Variants in TNC observed in about 807,000 individuals in gnomAD.
TNC encodes tenascin.
A neutral mutation model predicts 202.4 loss-of-function variants in TNC; 109 were observed. The ratio of observed to expected loss-of-function variants is 0.54; its 90% CI spans 0.46 to 0.63. The LOEUF is 0.63. Ranked by LOEUF, TNC falls within the 30% of genes least tolerant of loss-of-function variation. The pLI, the probability that TNC is intolerant of heterozygous loss-of-function variation, is 0.00. For missense variants in TNC, 2,756 were observed against 2,833.3 expected (o/e 0.97, Z 0.62); for synonymous variants, 1,007 against 1,089.7 (o/e 0.92, Z 1.50).
At chr9:115,092,362 A>G (rs1170202332) in intron 1 of TNC, among the ~76,000 whole-genome samples, 1 of 152,188 alleles carries the variant, frequency 6.6e-6, no homozygotes, top group Non-Finnish European at 1.5e-5. Flanking sequence ...ATTCACCTGT[A>G]TGAGCAATCA....
At chr9:115,039,931 G>A (rs1324512609) in intron 19 of TNC, among the ~76,000 whole-genome samples, 1 of 152,234 alleles carries the variant, frequency 6.6e-6, no homozygotes, top group Non-Finnish European at 1.5e-5. Context: ...TATTTTAATT[G>A]TGTGTTGTCA....
At position 115,030,304 on chromosome 9, in the gene TNC, C is replaced by G. The variant is rs13321; in HGVS notation, c.6022G>C (p.Glu2008Gln). The change falls in exon 24 of 28, where the codon GAG (glutamate) becomes CAG (glutamine). Residue 2008 changes from glutamate to glutamine, a missense_variant. Physicochemically the swap from Glu to Gln is conservative, Grantham distance 29. Transcript: ENST00000350763. The part of the protein sequence containing the change: ...YTIYLNGDKA[E>Q]ALEVFCDMTS... ...ATGTCACAGAAGACTTCCAGCGCCT[C>G]AGCCTTATCACCATTCAGATAAATG... 0.71 allele frequency: 1,140,097 copies of G among 1,613,310 alleles called. 404,310 individuals are homozygous for G. Among genetic ancestry groups the G allele is most frequent in the African/African-American group, 0.74 (55,238 of 74,970 alleles).
chr9:115,023,784 G>A (rs1344427216), intron 27 of TNC, among the ~76,000 whole-genome samples, 189 bp downstream of exon 27: 1 of 152,220 alleles, frequency 6.6e-6, no homozygotes, highest in Admixed American at 6.5e-5. Flanking sequence ...GGGTTAACCT[G>A]TGCTGTTTCT....
chr9:115,114,162 C>T (rs1837284228), intron 1 of TNC, among the ~76,000 whole-genome samples: 1 of 152,198 alleles, frequency 6.6e-6, no homozygotes, highest in Non-Finnish European at 1.5e-5. Context: ...GGAAGGGAGC[C>T]TTCATCTAAT....
chr9:115,093,311 A>AAACAAAAACAACAACAAC (rs1835370623), intron 1 of TNC, among the ~76,000 whole-genome samples: 1 of 152,212 alleles, frequency 6.6e-6, no homozygotes, highest in Non-Finnish European at 1.5e-5. Flanking sequence ...AAACAAAACA[A>AAACAAAAACAACAACAAC]AACAAAAACA....
At chr9:115,052,900 G>A (rs537085397) in intron 15 of TNC, 53 of 702,568 alleles carry the variant, frequency 7.5e-5, no homozygotes, top group Admixed American at 2.4e-4. Flanking sequence ...GTGAGTGAGC[G>A]TCACTCACAT....
At chr9:115,071,741 G>A (rs1833482892) in intron 10 of TNC, among the ~76,000 whole-genome samples, 1 of 152,122 alleles carries the variant, frequency 6.6e-6, no homozygotes, top group Admixed American at 6.5e-5. Flanking sequence ...AGGGAAGAGG[G>A]AAGAAAGAGA....
chr9:115,042,352 GA>G lies in TNC; in HGVS notation c.5126-12del. The G allele has an allele frequency of 6.2e-7, 1 of 1,613,690 alleles. No homozygotes were observed. The highest frequency in any genetic ancestry group is 8.5e-7 in the Non-Finnish European group (1 of 1,179,800). On this transcript the variant is annotated splice_polypyrimidine_tract_variant and intron_variant, in intron 17 of 27. Transcript: ENST00000350763. The stretch of plus-strand genomic sequence containing the variant: ...TTGGGGAGCCCATGGCTGTCAAGAA[GA>G]AAGCACAAGAGAAGCCCAGAAACAG...
intron 14 of TNC, among the ~76,000 whole-genome samples, chr9:115,058,726 C>A (rs1283004884): frequency 6.6e-6 from 1 of 152,138 alleles, no homozygotes; most frequent in Non-Finnish European, 1.5e-5. Flanking sequence ...AGTTTAGTTG[C>A]AATAATTATT....
intron 15 of TNC, among the ~76,000 whole-genome samples, chr9:115,049,691 T>A (rs879784141): frequency 1.4e-4 from 21 of 150,740 alleles, no homozygotes; most frequent in Non-Finnish European, 2.7e-4. Flanking sequence ...TTTTTTTTAA[T>A]CAGAAGAAAA....
intron 2 of TNC, among the ~76,000 whole-genome samples, chr9:115,090,325 G>T (rs192568270): frequency 9.2e-5 from 14 of 152,282 alleles, no homozygotes; most frequent in Admixed American, 5.2e-4. Context: ...TTCAAAGCAG[G>T]ACTTATCAGA....
At position 115,020,090 on chromosome 9, in the gene TNC, G is replaced by A. The variant is rs1247886239; in HGVS notation, c.*1067C>T. ...GGGTCTCCCTCTGTTGCCCAGGCTGGAGTGCAGTAGTGTGATCATAGCTCA... is the reference window on the plus strand; with the variant it reads ...GGGTCTCCCTCTGTTGCCCAGGCTGAAGTGCAGTAGTGTGATCATAGCTCA... On this transcript the variant is annotated 3_prime_UTR_variant, in exon 28 of 28. Transcript: ENST00000350763. 1 of 151,934 alleles carries A rather than the reference G, an allele frequency of 6.6e-6. No individual in the cohort carries two copies. Among genetic ancestry groups the A allele is most frequent in the East Asian group, 1.9e-4 (1 of 5,188 alleles). 9.4% of individuals were successfully genotyped at this position (151,934 alleles called of 1,614,324 possible).
At chr9:115,022,873 C>T (rs916612052) in intron 27 of TNC, among the ~76,000 whole-genome samples, 2 of 151,964 alleles carry the variant, frequency 1.3e-5, no homozygotes, top group African/African-American at 4.8e-5. Context: ...CACTTAAGGT[C>T]GCAGGTGTCA....
intron 10 of TNC, among the ~76,000 whole-genome samples, chr9:115,071,783 CTTTTGGGCAT>C (rs1373716552): frequency 1.3e-5 from 2 of 152,060 alleles, no homozygotes; most frequent in Non-Finnish European, 2.9e-5. Flanking sequence ...GGGATTTCAT[CTTTTGGGCAT>C]TTCTGATTCA....
rs57327715 is a variant in TNC, at chr9:115,087,527, GGTGTGTGTGTGTGTGTGTGTGTGT to G, written c.458-278_458-255del. Among the ~76,000 whole-genome samples the G allele has an allele frequency of 0.48, 71,099 of 148,814 alleles. 17,280 individuals carry two copies. The highest frequency in any genetic ancestry group is 0.58 in the African/African-American group (23,398 of 40,368). On this transcript the variant is annotated intron_variant, in intron 2 of 27. Coordinates refer to ENST00000350763, the MANE Select transcript of TNC (RefSeq NM_002160.4). The stretch of plus-strand genomic sequence containing the variant: ...AAAACAGTGTGTGATTATGCATAGG[GGTGTGTGTGTGTGTGTGTGTGTGT>G]GTGTGTGTGTGTGTATTTCCACCCC...
rs959537925 is a variant in TNC at position 115,086,027 on chromosome 9, A to C, written c.1704T>G (p.His568Gln). ...CKEQRCPSDC[H>Q]GQGRCVDGQC... ...GGCCGTCCACGCAGCGGCCCTGGCC[A>C]TGACAGTCACTGGGACATCTTTGCT... The change falls in exon 3 of 28, where the codon CAT (histidine) becomes CAG (glutamine). Residue 568 changes from histidine to glutamine, a missense_variant. Coordinates refer to ENST00000350763, the MANE Select transcript of TNC (RefSeq NM_002160.4). 8 of 1,613,910 alleles carry C rather than the reference A, an allele frequency of 5.0e-6. No homozygotes were observed. Among genetic ancestry groups the C allele is most frequent in the Non-Finnish European group, 6.8e-6 (8 of 1,179,982 alleles).
At chr9:115,066,173 A>C (rs751931546) in intron 10 of TNC, among the ~76,000 whole-genome samples, 34 of 152,178 alleles carry the variant, frequency 2.2e-4, no homozygotes, top group Non-Finnish European at 3.4e-4. Context: ...AGTAAAACTG[A>C]ATGCACCCTG....
In TNC at chr9:115,031,554, T is replaced by C; in HGVS notation, c.5919A>G (p.Thr1973=). Residue 1973 remains threonine, a splice_region_variant and synonymous_variant, in exon 23 of 28, where the codon ACA becomes ACG. Coordinates refer to ENST00000350763, the MANE Select transcript of TNC (RefSeq NM_002160.4). ...RSNMIQTIFT[T]IGLLYPFPKD... is the part of the protein sequence containing the mutation. ...GGATGGCACCCTGGGCCTCCTTACTTGTGGTGAAGATGGTCTGGATCATAT... is the reference window on the plus strand; with the variant it reads ...GGATGGCACCCTGGGCCTCCTTACTCGTGGTGAAGATGGTCTGGATCATAT... 1.3e-6 allele frequency: 2 copies of C among 1,562,670 alleles called. No individual in the cohort carries two copies. Among genetic ancestry groups the C allele is most frequent in the East Asian group, 2.4e-5 (1 of 42,162 alleles).
Position 115,086,451 on chromosome 9 carries a change from T to A in TNC, c.1280A>T (p.Glu427Val). The A allele has an allele frequency of 6.2e-7, 1 of 1,613,872 alleles. No homozygotes were observed. Among genetic ancestry groups the A allele is most frequent in the Non-Finnish European group, 8.5e-7 (1 of 1,179,998 alleles). ...RCVNGQCVCDEGYTGEDCSQL... is the reference protein window; with the variant it reads ...RCVNGQCVCDVGYTGEDCSQL... ...GCTGCAGTCCTCCCCAGTATAGCCC[T>A]CATCACACACACACTGCCCATTGAC... The change falls in exon 3 of 28, where the codon GAG (glutamate) becomes GTG (valine). Residue 427 changes from glutamate to valine, a missense_variant. Physicochemically the swap from Glu to Val is moderately radical, Grantham distance 121. Transcript: ENST00000350763.
Sources: allele counts gnomAD v4.1 joint callset (sites outside exome capture counted in the v4.1 genomes callset), GRCh38; gene constraint gnomAD v4.1.1; transcripts MANE v1.5; gene names NCBI Gene and HGNC (gene_info 2026-07-23, HGNC 2026-07-21).